GPC5: variants seen among roughly 807,000 people sequenced by gnomAD.
The protein encoded by GPC5 is glypican 5.
In GPC5, 47 loss-of-function variants were observed where a neutral mutation model predicts 53.9. The ratio of observed to expected loss-of-function variants is 0.87; its 90% confidence interval spans 0.69 to 1.11. GPC5 has a LOEUF of 1.11. Ranked by LOEUF, GPC5 falls within the 50% of genes most tolerant of loss-of-function variation. The pLI, the probability that GPC5 is intolerant of heterozygous loss-of-function variation, is 0.00. For synonymous variants in GPC5, 286 were observed against 263.3 expected (o/e 1.09, Z -0.84); for missense variants, 748 against 713.1 (o/e 1.05, Z -0.56).
At chr13:91,964,896 T>C (rs9583975) in intron 6 of GPC5, among the ~76,000 whole-genome samples, 75,195 of 151,924 alleles carry the variant, frequency 0.49, 19,307 homozygotes, top group East Asian at 0.75. Flanking sequence ...TGGAATACTA[T>C]GCAGCCATAA....
At chr13:92,430,394 A>C (rs542550632) in intron 7 of GPC5, among the ~76,000 whole-genome samples, 10 of 152,296 alleles carry the variant, frequency 6.6e-5, no homozygotes, top group Non-Finnish European at 1.2e-4. Flanking sequence ...ATTGGAGAAA[A>C]CATTATTTTT....
intron 6 of GPC5, among the ~76,000 whole-genome samples, chr13:92,026,726 T>C (rs1346156759): frequency 1.3e-5 from 2 of 152,140 alleles, no homozygotes; most frequent in African/African-American, 4.8e-5. Context: ...AAAATTATTA[T>C]TGGTGAAAAC....
At chr13:92,600,663 ATT>A (rs112159074) in intron 7 of GPC5, among the ~76,000 whole-genome samples, 2 of 139,208 alleles carry the variant, frequency 1.4e-5, no homozygotes, top group African/African-American at 2.7e-5. Context: ...ACACCCAGCT[ATT>A]TTTTTTTTTT....
chr13:92,528,028 G>T (rs1407868823), intron 7 of GPC5, among the ~76,000 whole-genome samples: 1 of 151,938 alleles, frequency 6.6e-6, no homozygotes, highest in Non-Finnish European at 1.5e-5. Context: ...AATTTTTATT[G>T]TCACCGTAAT....
intron 7 of GPC5, among the ~76,000 whole-genome samples, chr13:92,663,638 A>T (rs1479734400): frequency 7.1e-6 from 1 of 140,508 alleles, no homozygotes; most frequent in Non-Finnish European, 1.5e-5. Context: ...CTATATATAC[A>T]CACTATATAT....
intron 7 of GPC5, among the ~76,000 whole-genome samples, chr13:92,825,873 T>C (rs1486579873): frequency 6.6e-6 from 1 of 152,164 alleles, no homozygotes; most frequent in African/African-American, 2.4e-5. Context: ...GTGTTTTTCA[T>C]ACTTATTCAT....
chr13:92,628,460 G>T (rs779331753), intron 7 of GPC5, among the ~76,000 whole-genome samples: 1 of 151,704 alleles, frequency 6.6e-6, no homozygotes, highest in African/African-American at 2.4e-5. Context: ...TAGCTGGGCT[G>T]CTTTGGGGGT....
chr13:92,823,220 T>C (rs1306194833), intron 7 of GPC5, among the ~76,000 whole-genome samples: 1 of 152,150 alleles, frequency 6.6e-6, no homozygotes, highest in Non-Finnish European at 1.5e-5. Context: ...ATAGGAAATA[T>C]AGTTGGCTAC....
At chr13:92,587,299 A>G (rs957392873) in intron 7 of GPC5, among the ~76,000 whole-genome samples, 2 of 152,228 alleles carry the variant, frequency 1.3e-5, no homozygotes, top group Non-Finnish European at 2.9e-5. Flanking sequence ...AAATGATAAC[A>G]CATATTATGT....
At chr13:92,705,174 T>G (rs1454907096) in intron 7 of GPC5, among the ~76,000 whole-genome samples, 4 of 152,078 alleles carry the variant, frequency 2.6e-5, no homozygotes, top group African/African-American at 9.7e-5. Context: ...ACCTAATAAT[T>G]TAAAACTAAC....
intron 7 of GPC5, among the ~76,000 whole-genome samples, chr13:92,471,116 A>G (rs1029232923): frequency 2.6e-5 from 4 of 152,144 alleles, no homozygotes; most frequent in African/African-American, 9.7e-5. Context: ...CAGTGCCCTC[A>G]GCCACAACAT....
intron 7 of GPC5, among the ~76,000 whole-genome samples, chr13:92,411,878 T>G (rs764156870): frequency 1.7e-5 from 2 of 114,288 alleles, no homozygotes; most frequent in African/African-American, 3.3e-5. Flanking sequence ...TACCGTTATC[T>G]TTCTATTAGG....
chr13:92,075,300 A>G (rs1383121202), intron 6 of GPC5, among the ~76,000 whole-genome samples: 1 of 152,154 alleles, frequency 6.6e-6, no homozygotes, highest in Non-Finnish European at 1.5e-5. Flanking sequence ...AGACTTCACT[A>G]TTTTCAACTC....
At chr13:92,206,360 T>C (rs1166801957) in intron 7 of GPC5, among the ~76,000 whole-genome samples, 4 of 150,908 alleles carry the variant, frequency 2.7e-5, no homozygotes, top group Non-Finnish European at 5.9e-5. Context: ...AGAGACGGGG[T>C]TTCACCATGT....
chr13:91,803,449 A>C (rs1405706631), intron 5 of GPC5, among the ~76,000 whole-genome samples: 2 of 152,026 alleles, frequency 1.3e-5, no homozygotes, highest in Non-Finnish European at 2.9e-5. Context: ...ACATACACAC[A>C]TCTGTACCTG....
intron 7 of GPC5, among the ~76,000 whole-genome samples, chr13:92,268,627 T>C (rs927023843): frequency 6.6e-6 from 1 of 152,048 alleles, no homozygotes; most frequent in Non-Finnish European, 1.5e-5. Context: ...TTCATTTATC[T>C]TTATTCCTGC....
At chr13:91,754,444 T>A (rs1282821101) in intron 4 of GPC5, among the ~76,000 whole-genome samples, 1 of 152,012 alleles carries the variant, frequency 6.6e-6, no homozygotes, top group African/African-American at 2.4e-5. Context: ...GATCTATTGA[T>A]TTTGAAGGGA....
At chr13:91,763,515 T>C (rs577495224) in intron 5 of GPC5, among the ~76,000 whole-genome samples, 11 of 152,242 alleles carry the variant, frequency 7.2e-5, no homozygotes, top group African/African-American at 2.2e-4. Context: ...ACTGAAACAT[T>C]TGTGCTCATT....
chr13:92,722,169 T>C (rs1300866096), intron 7 of GPC5, among the ~76,000 whole-genome samples: 1 of 152,028 alleles, frequency 6.6e-6, no homozygotes, highest in Non-Finnish European at 1.5e-5. Flanking sequence ...TTTCAGGATG[T>C]AAGCTCATTT....
Sources: allele counts gnomAD v4.1 joint callset (sites outside exome capture counted in the v4.1 genomes callset), GRCh38; gene constraint gnomAD v4.1.1; transcripts MANE v1.5; gene names NCBI Gene and HGNC (gene_info 2026-07-23, HGNC 2026-07-21).